Variants in PLCB1 observed in about 807,000 individuals in gnomAD.
PLCB1 encodes the protein phospholipase C beta 1.
In PLCB1, 46 loss-of-function variants were observed where a neutral mutation model predicts 161.8. The observed-to-expected ratio is 0.28, with a 90% CI of 0.22 to 0.36. PLCB1 has a LOEUF of 0.36. Ranked by LOEUF, PLCB1 falls within the 10% of genes least tolerant of loss-of-function variation. The pLI, the probability that PLCB1 is intolerant of heterozygous loss-of-function variation, is 1.00. For missense variants in PLCB1, 1,016 were observed against 1,472.5 expected (o/e 0.69, Z 5.07); for synonymous variants, 517 against 503.7 (o/e 1.03, Z -0.35).
chr20:8,694,540 T>C (rs2123421114), intron 10 of PLCB1, among the ~76,000 whole-genome samples: 1 of 152,346 alleles, frequency 6.6e-6, no homozygotes, highest in South Asian at 2.1e-4. Context: ...TTCCTTCTCA[T>C]TGTTCTTTGA....
At chr20:8,366,230 T>C in intron 2 of PLCB1, among the ~76,000 whole-genome samples, 1 of 152,186 alleles carries the variant, frequency 6.6e-6, no homozygotes, top group East Asian at 1.9e-4. Context: ...TGGAATTCAT[T>C]ATTTCTTTAC....
chr20:8,501,736 G>A (rs962476723), intron 3 of PLCB1, among the ~76,000 whole-genome samples: 3 of 151,928 alleles, frequency 2.0e-5, no homozygotes, highest in African/African-American at 7.3e-5. Flanking sequence ...TAAATTCGTG[G>A]CTGTTGATTG....
chr20:8,695,227 ATGTCATCCTTT>A (rs1699869625), intron 10 of PLCB1, among the ~76,000 whole-genome samples: 1 of 152,194 alleles, frequency 6.6e-6, no homozygotes, highest in Non-Finnish European at 1.5e-5. Flanking sequence ...GAACTCAAAA[ATGTCATCCTTT>A]TGTTATGCTG....
intron 31 of PLCB1, among the ~76,000 whole-genome samples, chr20:8,860,186 C>T (rs780592904): frequency 7.4e-4 from 113 of 152,292 alleles, no homozygotes; most frequent in Admixed American, 1.5e-3. Flanking sequence ...AATCATTTAA[C>T]CTAGTGCCAG....
intron 9 of PLCB1, among the ~76,000 whole-genome samples, chr20:8,662,936 T>G (rs1463628941): frequency 6.6e-6 from 1 of 152,056 alleles, no homozygotes; most frequent in African/African-American, 2.4e-5. Context: ...TACATTTGGA[T>G]CAATAAACAC....
chr20:8,323,890 G>A (rs1054267635), intron 2 of PLCB1, among the ~76,000 whole-genome samples: 1 of 151,076 alleles, frequency 6.6e-6, no homozygotes, highest in African/African-American at 2.4e-5. Context: ...CTAATTTAAT[G>A]TATCAACAAT....
chr20:8,218,718 G>T (rs1347260809), intron 2 of PLCB1, among the ~76,000 whole-genome samples: 1 of 151,738 alleles, frequency 6.6e-6, no homozygotes. Flanking sequence ...CAAGGAAGGG[G>T]CAATGCTACT....
intron 2 of PLCB1, among the ~76,000 whole-genome samples, chr20:8,235,121 C>A (rs956769063): frequency 6.6e-6 from 1 of 152,212 alleles, no homozygotes; most frequent in South Asian, 2.1e-4. Context: ...AATATATGCA[C>A]CATATGTGGC....
chr20:8,838,932 G>C (rs1600372157), intron 31 of PLCB1, among the ~76,000 whole-genome samples: 1 of 152,188 alleles, frequency 6.6e-6, no homozygotes, highest in Admixed American at 6.5e-5. Flanking sequence ...AGGCTCGTGA[G>C]AAGCAGTTTG....
chr20:8,716,305 T>A lies in PLCB1; in HGVS notation c.1292T>A (p.Ile431Asn). Residue 431 changes from isoleucine to asparagine, a missense_variant, in exon 13 of 32, where the codon ATC becomes AAC. Physicochemically the swap from Ile to Asn is moderately radical, Grantham distance 149. Around this residue, in one of 10 missense-constraint regions of PLCB1, gnomAD observed 56 missense variants for 126.3 expected, o/e 0.44. Transcript: ENST00000338037. Reference protein sequence around the residue: ...QAKMAEYCRLIFGDALLMEPL... With the variant: ...QAKMAEYCRLNFGDALLMEPL... ...AAGATGGCGGAGTACTGCCGACTGA[T>A]CTTTGGGGATGCCCTTCTCATGGAG... 3.7e-6 allele frequency: 6 copies of A among 1,614,068 alleles called. No homozygotes were observed. Among genetic ancestry groups the A allele is most frequent in the Non-Finnish European group, 5.1e-6 (6 of 1,179,944 alleles).
intron 2 of PLCB1, among the ~76,000 whole-genome samples, chr20:8,266,951 C>T (rs760865768): frequency 8.6e-5 from 13 of 151,304 alleles, no homozygotes; most frequent in Non-Finnish European, 1.9e-4. Flanking sequence ...AGGCAAGAAT[C>T]GCTTGAACCT....
chr20:8,231,724 G>T (rs1980048261), intron 2 of PLCB1, among the ~76,000 whole-genome samples: 1 of 68 alleles, frequency 0.015, no homozygotes, highest in East Asian at 0.5. Flanking sequence ...GACCAAACAG[G>T]AGAGCCCTGT....
At chr20:8,233,685 AGAGGTCCTCACATCCC>A (rs1980182446) in intron 2 of PLCB1, among the ~76,000 whole-genome samples, 2 of 152,138 alleles carry the variant, frequency 1.3e-5, no homozygotes, top group African/African-American at 4.8e-5. Flanking sequence ...CCTGCATCCC[AGAGGTCCTCACATCCC>A]CCTAACTGCA....
chr20:8,779,490 T>TA (rs1402183410), intron 27 of PLCB1, among the ~76,000 whole-genome samples: 2 of 129,130 alleles, frequency 1.5e-5, no homozygotes, highest in Non-Finnish European at 3.1e-5. Context: ...CCAAGCTCTG[T>TA]AGACTCCACT....
At chr20:8,417,901 A>G (rs1979372847) in intron 3 of PLCB1, among the ~76,000 whole-genome samples, 1 of 152,194 alleles carries the variant, frequency 6.6e-6, no homozygotes, top group Non-Finnish European at 1.5e-5. Context: ...TGGGAAAACA[A>G]GAGGACTCCT....
At chr20:8,438,100 T>G (rs1980391257) in intron 3 of PLCB1, among the ~76,000 whole-genome samples, 1 of 152,182 alleles carries the variant, frequency 6.6e-6, no homozygotes, top group Non-Finnish European at 1.5e-5. Flanking sequence ...TGTTCTATCT[T>G]ATATATTTGT....
At chr20:8,411,039 T>A (rs1487380480) in intron 3 of PLCB1, among the ~76,000 whole-genome samples, 1 of 152,228 alleles carries the variant, frequency 6.6e-6, no homozygotes, top group Non-Finnish European at 1.5e-5. Flanking sequence ...AGAGTCAATG[T>A]CTGTTCTTTT....
chr20:8,789,378 C>T lies in PLCB1; in HGVS notation c.3279-140C>T, dbSNP rs45478896. 2,370 of 653,292 alleles carry T rather than the reference C, an allele frequency of 3.6e-3. 5 individuals carry two copies. Among genetic ancestry groups the T allele is most frequent in the Non-Finnish European group, 5.1e-3 (1,905 of 373,658 alleles). The allele number at this position is 653,292 out of a possible 1,614,324, so 40.5% of individuals were successfully genotyped here. Reference sequence around the variant, plus strand: ...TGGGCAACAGAGCGAAACCTTGTCTCCAATAAATAAATAGATAAAAATAAG... The same window carrying T: ...TGGGCAACAGAGCGAAACCTTGTCTTCAATAAATAAATAGATAAAAATAAG... On this transcript the variant is annotated intron_variant, in intron 29 of 31. Coordinates refer to ENST00000338037, the MANE Select transcript of PLCB1 (RefSeq NM_015192.4).
intron 4 of PLCB1, among the ~76,000 whole-genome samples, chr20:8,643,705 T>C (rs1600220002): frequency 6.7e-6 from 1 of 149,488 alleles, no homozygotes; most frequent in African/African-American, 2.5e-5. Flanking sequence ...CTGGCTAACA[T>C]GGTGAAACCC....
Sources: gnomAD v4.1 joint callset for allele counts (sites outside exome capture counted in the v4.1 genomes callset) on GRCh38, gnomAD v4.1.1 for gene constraint, gnomAD v4.1.1 regional missense constraint, MANE v1.5 for transcripts, NCBI Gene and HGNC (gene_info 2026-07-23, HGNC 2026-07-21) for gene names.